The following PRDM5 variants were observed in gnomAD, a reference collection of about 807,000 sequenced individuals.
PRDM5 encodes PR domain zinc finger protein 5.
A neutral mutation model predicts 81.2 loss-of-function variants in PRDM5; 56 were observed. The observed-to-expected ratio is 0.69, with a 90% CI of 0.56 to 0.86. PRDM5 has a LOEUF of 0.86. PRDM5 is among the 40% of genes least tolerant of loss of function. The pLI, the probability that PRDM5 is intolerant of heterozygous loss-of-function variation, is 0.00. For synonymous variants in PRDM5, 267 were observed against 256.4 expected, an observed-to-expected ratio of 1.04 and a Z score of -0.39; for missense variants, 697 against 770.1, an observed-to-expected ratio of 0.91 and a Z score of 1.12.
At chr4:120,709,902 T>C (rs1302140581) in intron 15 of PRDM5, among the ~76,000 whole-genome samples, 1 of 152,186 alleles carries the variant, frequency 6.6e-6, no homozygotes, top group African/African-American at 2.4e-5. Context: ...ATTTTGTACA[T>C]GCTTGGCTTT....
chr4:120,852,738 C>T (rs560587282), intron 3 of PRDM5, among the ~76,000 whole-genome samples: 1 of 149,902 alleles, frequency 6.7e-6, no homozygotes, highest in South Asian at 2.1e-4. Flanking sequence ...TATATACACA[C>T]AACCATATAT....
At position 120,693,904 on chromosome 4, in the gene PRDM5, T is replaced by A. The variant is rs867928216; in HGVS notation, c.*1207A>T. On this transcript the variant is annotated 3_prime_UTR_variant, in exon 16 of 16. Coordinates refer to ENST00000264808, the MANE Select transcript of PRDM5 (RefSeq NM_018699.4). ...CTCCAAACAAGCTGTTCATTGTATG[T>A]TGCTGTCAAGTATTTTGCTGAAATA... is the stretch of plus-strand genomic sequence containing the variant. 4 of 152,242 alleles carry A rather than the reference T, an allele frequency of 2.6e-5. No individual in the cohort carries two copies. Among genetic ancestry groups the A allele is most frequent in the African/African-American group, 7.2e-5 (3 of 41,568 alleles). The allele number at this position is 152,242 out of a possible 1,614,324, so 9.4% of individuals were successfully genotyped here.
At chr4:120,778,053 G>A (rs2149229366) in intron 12 of PRDM5, among the ~76,000 whole-genome samples, 1 of 152,094 alleles carries the variant, frequency 6.6e-6, no homozygotes, top group African/African-American at 2.4e-5. Flanking sequence ...ATAAATGAAG[G>A]GTCAGAGCTA....
At chr4:120,905,568 TG>T (rs1286986706) in intron 2 of PRDM5, among the ~76,000 whole-genome samples, 1 of 152,190 alleles carries the variant, frequency 6.6e-6, no homozygotes, top group Non-Finnish European at 1.5e-5. Flanking sequence ...TAAGGTATCC[TG>T]GAGAAGCTAT....
At chr4:120,916,074 C>G (rs183928740) in intron 1 of PRDM5, among the ~76,000 whole-genome samples, 1 of 152,060 alleles carries the variant, frequency 6.6e-6, no homozygotes, top group Non-Finnish European at 1.5e-5. Context: ...GAATATGATA[C>G]CAGACAGAAA....
chr4:120,867,332 T>C (rs746776637), intron 2 of PRDM5, among the ~76,000 whole-genome samples: 1 of 152,198 alleles, frequency 6.6e-6, no homozygotes, highest in Non-Finnish European at 1.5e-5. Flanking sequence ...ATATTACAAA[T>C]AGAGAAAATC....
intron 2 of PRDM5, among the ~76,000 whole-genome samples, chr4:120,894,292 T>C (rs576847611): frequency 1.4e-3 from 216 of 152,312 alleles, no homozygotes; most frequent in Non-Finnish European, 2.5e-3. Flanking sequence ...ATTCAAATTG[T>C]TCTTATTATA....
intron 14 of PRDM5, among the ~76,000 whole-genome samples, chr4:120,725,208 A>G (rs1362640290): frequency 6.6e-6 from 1 of 151,762 alleles, no homozygotes; most frequent in Non-Finnish European, 1.5e-5. Context: ...TAACTGCAGA[A>G]GTTTTTTTTT....
At chr4:120,776,296 G>A (rs985557881) in intron 13 of PRDM5, among the ~76,000 whole-genome samples, 6 of 152,122 alleles carry the variant, frequency 3.9e-5, no homozygotes, top group African/African-American at 1.4e-4. Flanking sequence ...CTCCAAGGGT[G>A]TCCCTTCCTC....
At chr4:120,802,394 G>A (rs186439616) in intron 8 of PRDM5, among the ~76,000 whole-genome samples, 110 of 152,238 alleles carry the variant, frequency 7.2e-4, no homozygotes, top group African/African-American at 2.5e-3. Flanking sequence ...GAGGCTTGTC[G>A]TACAGTGGGT....
intron 2 of PRDM5, among the ~76,000 whole-genome samples, chr4:120,864,837 C>T (rs934043528): frequency 3.3e-5 from 5 of 152,210 alleles, no homozygotes; most frequent in Admixed American, 2.6e-4. Flanking sequence ...GAAGCACCAA[C>T]TCAGAAGAGC....
chr4:120,769,427 G>A (rs17051247), intron 13 of PRDM5, among the ~76,000 whole-genome samples: 8,349 of 152,190 alleles, frequency 0.055, 342 homozygotes, highest in African/African-American at 0.12. Flanking sequence ...AAAGTAACAC[G>A]TAATTGGAGA....
At chr4:120,922,485 G>A (rs775792658) in intron 1 of PRDM5, 31 bp downstream of exon 1, 10 of 1,574,784 alleles carry the variant, frequency 6.4e-6, no homozygotes, top group Non-Finnish European at 8.6e-6. Flanking sequence ...GCGAGGTGCA[G>A]GGGCGCGCAG....
chr4:120,903,226 G>T (rs1765408323), intron 2 of PRDM5, among the ~76,000 whole-genome samples: 1 of 152,132 alleles, frequency 6.6e-6, no homozygotes, highest in Non-Finnish European at 1.5e-5. Flanking sequence ...GGGCATAGCA[G>T]AAATGACTCC....
intron 1 of PRDM5, 65 bp from the exon 2 acceptor site, chr4:120,907,622 C>CT: frequency 1.6e-6 from 2 of 1,276,640 alleles, no homozygotes; most frequent in Non-Finnish European, 2.3e-6. Flanking sequence ...AAATAAACGA[C>CT]TTTTTTCTTC....
intron 3 of PRDM5, among the ~76,000 whole-genome samples, chr4:120,844,116 G>A (rs1758370892): frequency 1.3e-5 from 2 of 152,046 alleles, no homozygotes; most frequent in African/African-American, 4.8e-5. Flanking sequence ...TTGAGTAGTG[G>A]ATAATTACTG....
chr4:120,802,957 G>A (rs1408682997), intron 8 of PRDM5, among the ~76,000 whole-genome samples: 2 of 152,032 alleles, frequency 1.3e-5, no homozygotes, highest in African/African-American at 4.8e-5. Context: ...TAAAAACCTT[G>A]AAAAAAGATT....
chr4:120,917,469 A>T (rs1006659991), intron 1 of PRDM5, among the ~76,000 whole-genome samples: 1 of 152,042 alleles, frequency 6.6e-6, no homozygotes, highest in Admixed American at 6.6e-5. Flanking sequence ...TATAAAATTT[A>T]TCTTATAGGT....
chr4:120,895,215 G>C (rs750045959), intron 2 of PRDM5, among the ~76,000 whole-genome samples: 6 of 152,178 alleles, frequency 3.9e-5, no homozygotes, highest in Non-Finnish European at 5.9e-5. Flanking sequence ...CTTTCCCACA[G>C]TGCAGGTTGA....
Sources: allele counts gnomAD v4.1 joint callset (sites outside exome capture counted in the v4.1 genomes callset), GRCh38; gene constraint gnomAD v4.1.1; transcripts MANE v1.5; gene names NCBI Gene and HGNC (gene_info 2026-07-23, HGNC 2026-07-21).